The following ARMH3 variants were observed in gnomAD, a reference collection of about 807,000 sequenced individuals.
ARMH3 encodes armadillo-like helical domain-containing protein 3.
ARMH3 carries 60 observed loss-of-function variants against 99.1 expected under a neutral mutation model. The observed-to-expected ratio is 0.61, with a 90% CI of 0.49 to 0.75. The LOEUF (loss-of-function observed/expected upper bound fraction) is 0.75. Among genes scored for constraint, ARMH3 ranks in the 30% least tolerant of loss-of-function variants. The pLI, the probability that ARMH3 is intolerant of heterozygous loss-of-function variation, is 0.00. For synonymous variants in ARMH3, 285 were observed against 292.8 expected, an observed-to-expected ratio of 0.97 and a Z score of 0.27; for missense variants, 679 against 843.1, an observed-to-expected ratio of 0.81 and a Z score of 2.41.
intron 24 of ARMH3, among the ~76,000 whole-genome samples, chr10:101,863,722 C>G (rs1485004886): frequency 1.3e-5 from 2 of 151,658 alleles, no homozygotes; most frequent in Non-Finnish European, 2.9e-5. Context: ...CCCAGGTGTT[C>G]AAGACCAGCC....
At chr10:101,891,356 C>T (rs1474787859) in intron 23 of ARMH3, among the ~76,000 whole-genome samples, 3 of 152,054 alleles carry the variant, frequency 2.0e-5, no homozygotes, top group Non-Finnish European at 4.4e-5. Context: ...CCACCATGAC[C>T]AGCTAATTTT....
intron 8 of ARMH3, among the ~76,000 whole-genome samples, chr10:102,017,355 C>A (rs2066772209): frequency 6.6e-6 from 1 of 152,184 alleles, no homozygotes; most frequent in Non-Finnish European, 1.5e-5. Flanking sequence ...CTTCTGGGGG[C>A]TTCTGAAAGA....
At chr10:101,889,287 T>C in intron 24 of ARMH3, 125 bp downstream of exon 24, 1 of 923,860 alleles carries the variant, frequency 1.1e-6, no homozygotes, top group South Asian at 1.3e-5. Context: ...CACTAATTCC[T>C]CTCAGCAGCC....
At chr10:101,880,229 G>A (rs1283953389) in intron 24 of ARMH3, among the ~76,000 whole-genome samples, 1 of 152,218 alleles carries the variant, frequency 6.6e-6, no homozygotes, top group African/African-American at 2.4e-5. Context: ...TTACATCTCA[G>A]CTCTTCAGCA....
At chr10:101,865,885 A>G (rs767060915) in intron 24 of ARMH3, among the ~76,000 whole-genome samples, 2 of 152,020 alleles carry the variant, frequency 1.3e-5, no homozygotes, top group African/African-American at 2.4e-5. Flanking sequence ...TCATCTCCAC[A>G]TGAGTAGTTC....
intron 24 of ARMH3, among the ~76,000 whole-genome samples, chr10:101,863,236 A>C (rs1433046138): frequency 6.6e-6 from 1 of 152,170 alleles, no homozygotes. Flanking sequence ...ATGATAGAAG[A>C]AAGTTGAATT....
chr10:101,971,444 C>T (rs902916799), intron 20 of ARMH3, among the ~76,000 whole-genome samples: 5 of 151,830 alleles, frequency 3.3e-5, no homozygotes, highest in Non-Finnish European at 4.4e-5. Flanking sequence ...ATGGTGTGTG[C>T]CTTTAAGTCC....
chr10:101,868,195 T>C (rs1231555728), intron 24 of ARMH3, among the ~76,000 whole-genome samples: 1 of 151,906 alleles, frequency 6.6e-6, no homozygotes, highest in Non-Finnish European at 1.5e-5. Context: ...GAAGAAGACA[T>C]GAGGGAGATG....
intron 24 of ARMH3, among the ~76,000 whole-genome samples, chr10:101,884,369 T>C (rs1424045230): frequency 6.6e-6 from 1 of 152,132 alleles, no homozygotes; most frequent in African/African-American, 2.4e-5. Flanking sequence ...CAGGTAGGGA[T>C]GCATGCTTAC....
intron 24 of ARMH3, among the ~76,000 whole-genome samples, chr10:101,873,478 A>G (rs996792668): frequency 3.3e-5 from 5 of 152,128 alleles, no homozygotes; most frequent in Non-Finnish European, 7.4e-5. Context: ...CTTTCAACAT[A>G]TTTATTGAGA....
intron 22 of ARMH3, among the ~76,000 whole-genome samples, chr10:101,949,019 G>A (rs1310026930): frequency 1.3e-5 from 2 of 151,356 alleles, no homozygotes; most frequent in Non-Finnish European, 3.0e-5. Context: ...AAATTCAAGG[G>A]AAATAAGAAA....
rs148009682 is a variant in ARMH3, at chr10:101,934,169, C to T, written c.1781+5694G>A. 5.8e-3 allele frequency among the ~76,000 whole-genome samples: 889 copies of T among 152,318 alleles called. 10 individuals are homozygous for T. Among genetic ancestry groups the T allele is most frequent in the African/African-American group, 0.02 (846 of 41,568 alleles). On this transcript the variant is annotated intron_variant, in intron 23 of 25. Transcript: ENST00000370033. ...AATAACCCCATTATCTCAGAGGCTGCTGAAAGCTATTCTTGTTCCTCAGCC... is the reference window on the plus strand; with the variant it reads ...AATAACCCCATTATCTCAGAGGCTGTTGAAAGCTATTCTTGTTCCTCAGCC...
chr10:101,967,416 C>G (rs1434228569), intron 20 of ARMH3, among the ~76,000 whole-genome samples: 1 of 152,148 alleles, frequency 6.6e-6, no homozygotes, highest in Admixed American at 6.5e-5. Context: ...AGGAGAGAAT[C>G]TGAAGCCAAC....
At chr10:102,011,586 A>G (rs2066628983) in intron 11 of ARMH3, 137 bp downstream of exon 11, 1 of 615,448 alleles carries the variant, frequency 1.6e-6, no homozygotes, top group Non-Finnish European at 2.7e-6. Flanking sequence ...CTCCCCAAGA[A>G]AATCTGCTCT....
At chr10:101,998,249 G>A (rs1435962303) in intron 15 of ARMH3, among the ~76,000 whole-genome samples, 1 of 152,176 alleles carries the variant, frequency 6.6e-6, no homozygotes, top group South Asian at 2.1e-4. Context: ...CTATTCTGTG[G>A]TTGCTGCAAT....
chr10:101,864,074 A>AC (rs563347789), intron 24 of ARMH3, among the ~76,000 whole-genome samples: 10,001 of 127,070 alleles, frequency 0.079, 404 homozygotes, highest in Non-Finnish European at 0.12. Context: ...AAAAAAAAAA[A>AC]AAAAACACAC....
intron 19 of ARMH3, among the ~76,000 whole-genome samples, chr10:101,984,633 T>A (rs554635877): frequency 1.3e-5 from 2 of 152,070 alleles, no homozygotes; most frequent in African/African-American, 4.8e-5. Context: ...TCTATCCACA[T>A]CCACTCCAGC....
chr10:102,025,308 C>T (rs2066977036), intron 5 of ARMH3, 60 bp from the exon 6 acceptor site: 7 of 1,396,352 alleles, frequency 5.0e-6, no homozygotes, highest in African/African-American at 1.4e-5. Flanking sequence ...CTTTGTCTAA[C>T]TCTGGGTTAT....
intron 20 of ARMH3, among the ~76,000 whole-genome samples, chr10:101,960,200 C>T (rs1404473809): frequency 1.3e-5 from 2 of 151,992 alleles, no homozygotes; most frequent in African/African-American, 4.8e-5. Context: ...GAACTATCTA[C>T]AGGGAATTTA....
Sources: gnomAD v4.1 joint callset for allele counts (sites outside exome capture counted in the v4.1 genomes callset) on GRCh38, gnomAD v4.1.1 for gene constraint, MANE v1.5 for transcripts, NCBI Gene and HGNC (gene_info 2026-07-23, HGNC 2026-07-21) for gene names.